PDILT: variants seen among roughly 807,000 people sequenced by gnomAD.
PDILT encodes the protein protein disulfide isomerase like, testis expressed, also known as protein disulfide-isomerase-like protein of the testis.
In PDILT, 43 loss-of-function variants were observed where a neutral mutation model predicts 53.7. That is an observed-to-expected ratio of 0.80 (90% CI 0.63 to 1.03). The LOEUF is 1.03. PDILT is among the 50% of genes least tolerant of loss of function. PDILT has a pLI of 0.00. For synonymous variants in PDILT, 282 were observed against 274.2 expected (o/e 1.03, Z -0.28); for missense variants, 727 against 712.3 (o/e 1.02, Z -0.24).
At position 20,399,270 on chromosome 16, in the gene PDILT, CCAGCAG is replaced by C. The variant is rs1567333091; in HGVS notation, c.25_30del (p.Leu9_Leu10del). ...TGGACAGCAGAGACACAAGCGGCCA[CCAGCAG>C]CAGGGGCATCCAGAGTAGGTCCATG... On this transcript the variant is annotated inframe_deletion, in exon 2 of 12. Coordinates refer to ENST00000302451, the MANE Select transcript of PDILT (RefSeq NM_174924.2). 3.1e-6 allele frequency: 5 copies of C among 1,613,926 alleles called. No homozygotes were observed. The East Asian group carries it at 1.1e-4, about 36-fold the overall frequency.
At chr16:20,386,640 G>A (rs1966543380) in intron 2 of PDILT, among the ~76,000 whole-genome samples, 1 of 152,198 alleles carries the variant, frequency 6.6e-6, no homozygotes, top group Admixed American at 6.5e-5. Flanking sequence ...CGGAAGCGGG[G>A]ACTTTGTGCC....
intron 2 of PDILT, among the ~76,000 whole-genome samples, chr16:20,389,645 C>A (rs546563561): frequency 6.6e-6 from 1 of 152,262 alleles, no homozygotes; most frequent in East Asian, 1.9e-4. Context: ...TTAGAATAGG[C>A]AATGGCTCCC....
At chr16:20,370,985 C>A (rs1346898178) in intron 7 of PDILT, among the ~76,000 whole-genome samples, 1 of 152,242 alleles carries the variant, frequency 6.6e-6, no homozygotes, top group Non-Finnish European at 1.5e-5. Flanking sequence ...CAACCAGCCG[C>A]CCTCGGGGCT....
intron 3 of PDILT, among the ~76,000 whole-genome samples, chr16:20,383,077 A>G (rs1038123974): frequency 1.2e-4 from 18 of 152,186 alleles, no homozygotes; most frequent in Non-Finnish European, 4.4e-5. Flanking sequence ...AGCTTCCTGT[A>G]TGGCAGACGA....
chr16:20,368,011 C>A (rs957996213), intron 8 of PDILT, among the ~76,000 whole-genome samples: 2 of 152,042 alleles, frequency 1.3e-5, no homozygotes, highest in African/African-American at 4.8e-5. Flanking sequence ...TGATGGAATG[C>A]AAGTTCACAG....
At chr16:20,391,536 AGT>A (rs1721959860) in intron 2 of PDILT, among the ~76,000 whole-genome samples, 1 of 152,146 alleles carries the variant, frequency 6.6e-6, no homozygotes, top group African/African-American at 2.4e-5. Flanking sequence ...AATGGTAGTG[AGT>A]CCTTCTCTCC....
In PDILT at chr16:20,372,890, T is replaced by A; in HGVS notation, c.830A>T (p.His277Leu). 6.2e-7 allele frequency: 1 copy of A among 1,614,100 alleles called. No individual in the cohort carries two copies. The highest frequency in any genetic ancestry group is 1.7e-5 in the Admixed American group (1 of 60,016). Reference protein sequence around the residue: ...DLISELHIMSHMLLFVSKSSE... With the variant: ...DLISELHIMSLMLLFVSKSSE... ...GCTTTTGGAGACAAACAGCAGCATG[T>A]GACTCATGATGTGCAACTCGGAAAT... Residue 277 changes from histidine (H) to leucine (L), a missense_variant, in exon 7 of 12, where the codon CAC (histidine) becomes CTC (leucine). His to Leu is a moderately conservative substitution (Grantham distance 99). Transcript: ENST00000302451.
intron 1 of PDILT, 133 bp downstream of exon 1, chr16:20,404,363 A>G (rs974629628): frequency 2.0e-5 from 3 of 152,214 alleles, no homozygotes; most frequent in Non-Finnish European, 2.9e-5. Flanking sequence ...AAAATCCTCA[A>G]GTTGATCCTA....
intron 8 of PDILT, 48 bp from the exon 9 acceptor site, chr16:20,365,588 A>C (rs1184797070): frequency 6.3e-7 from 1 of 1,594,512 alleles, no homozygotes; most frequent in Non-Finnish European, 8.6e-7. Flanking sequence ...AAGGGTCTTG[A>C]AGTTGTGGGG....
intron 3 of PDILT, among the ~76,000 whole-genome samples, chr16:20,380,549 G>C (rs1025515249): frequency 6.6e-6 from 1 of 152,264 alleles, no homozygotes; most frequent in Admixed American, 6.5e-5. Context: ...TCTTGGCCAA[G>C]CTGGTCTTGA....
At chr16:20,369,807 A>G in intron 7 of PDILT, 118 bp from the exon 8 acceptor site, 1 of 996,348 alleles carries the variant, frequency 1.0e-6, no homozygotes, top group South Asian at 1.4e-5. Flanking sequence ...CCTCTGCAAA[A>G]TGTAACAAAG....
At chr16:20,361,686 C>T (rs896697902) in intron 10 of PDILT, among the ~76,000 whole-genome samples, 1 of 152,140 alleles carries the variant, frequency 6.6e-6, no homozygotes, top group African/African-American at 2.4e-5. Flanking sequence ...CTGGGGTCAC[C>T]CTTCTGCCCA....
At chr16:20,399,866 AG>A (rs1181901640) in intron 1 of PDILT, among the ~76,000 whole-genome samples, 2 of 152,176 alleles carry the variant, frequency 1.3e-5, no homozygotes, top group East Asian at 1.9e-4. Flanking sequence ...CACTTGTAAA[AG>A]TTTCAAGCAA....
intron 2 of PDILT, among the ~76,000 whole-genome samples, chr16:20,389,352 GT>G (rs1390600574): frequency 2.6e-5 from 4 of 152,128 alleles, no homozygotes; most frequent in Non-Finnish European, 4.4e-5. Flanking sequence ...TAGATCCTAC[GT>G]CTCAGAGTGA....
intron 1 of PDILT, among the ~76,000 whole-genome samples, chr16:20,402,562 G>A (rs1299405913): frequency 1.3e-5 from 2 of 152,226 alleles, no homozygotes; most frequent in African/African-American, 2.4e-5. Context: ...GCCTCCCAAA[G>A]TGTTGGGATG....
intron 3 of PDILT, 78 bp from the exon 4 acceptor site, chr16:20,376,279 T>C: frequency 1.9e-6 from 3 of 1,557,112 alleles, no homozygotes; most frequent in Non-Finnish European, 2.6e-6. Context: ...TTTCTCAAGT[T>C]TAATGCATAG....
In PDILT at chr16:20,374,863, G is replaced by T. The variant is rs144890989; in HGVS notation, c.640C>A (p.Arg214Ser). 18 of 1,613,988 alleles carry T rather than the reference G, an allele frequency of 1.1e-5. No homozygotes were observed. Among genetic ancestry groups the T allele is most frequent in the Non-Finnish European group, 1.5e-5 (18 of 1,179,934 alleles). ...ACGCTGTCAAGGGTGACGTGGAAAC[G>T]CCCAATGACATTGCCAATCGTTATG... Reference protein sequence around the residue: ...GVITIGNVIGRFHVTLDSVLV... With the variant: ...GVITIGNVIGSFHVTLDSVLV... Residue 214 changes from arginine to serine, a missense_variant, in exon 5 of 12, where the codon CGT (arginine) becomes AGT (serine). Coordinates refer to ENST00000302451, the MANE Select transcript of PDILT (RefSeq NM_174924.2).
At chr16:20,378,878 T>C (rs984981057) in intron 3 of PDILT, among the ~76,000 whole-genome samples, 13 of 152,236 alleles carry the variant, frequency 8.5e-5, no homozygotes, top group African/African-American at 3.1e-4. Context: ...ATAAATGTTC[T>C]TGGCTCTGGT....
At chr16:20,375,101 T>C in intron 4 of PDILT, 142 bp from the exon 5 acceptor site, 1 of 923,192 alleles carries the variant, frequency 1.1e-6, no homozygotes, top group South Asian at 1.9e-5. Flanking sequence ...AAATCCTCTT[T>C]CATGAGTATT....
Sources: gnomAD v4.1 joint callset for allele counts (sites outside exome capture counted in the v4.1 genomes callset) on GRCh38, gnomAD v4.1.1 for gene constraint, MANE v1.5 for transcripts, NCBI Gene and HGNC (gene_info 2026-07-23, HGNC 2026-07-21) for gene names.